The following ROBO2 variants were observed in gnomAD, a reference collection of about 807,000 sequenced individuals.
ROBO2 encodes roundabout guidance receptor 2.
ROBO2 carries 53 observed loss-of-function variants against 160.8 expected under a neutral mutation model. The observed-to-expected ratio is 0.33, with a 90% CI of 0.26 to 0.41. The LOEUF (loss-of-function observed/expected upper bound fraction) is 0.41. Among genes scored for constraint, ROBO2 ranks in the 10% least tolerant of loss-of-function variants. The probability of loss-of-function intolerance (pLI) is 1.00; values close to 1 mark genes in which losing one functional copy is unlikely to be tolerated. For synonymous variants in ROBO2, 664 were observed against 611.7 expected, an observed-to-expected ratio of 1.09 and a Z score of -1.26; for missense variants, 1,577 against 1,722.4, an observed-to-expected ratio of 0.92 and a Z score of 1.49.
chr3:76,963,638 T>C (rs2149247242), intron 2 of ROBO2, among the ~76,000 whole-genome samples: 1 of 152,170 alleles, frequency 6.6e-6, no homozygotes, highest in East Asian at 1.9e-4. Flanking sequence ...AGTGATTTTA[T>C]AATAAAAGCG....
intron 2 of ROBO2, among the ~76,000 whole-genome samples, chr3:76,267,325 A>G (rs1707160612): frequency 6.6e-6 from 1 of 152,204 alleles, no homozygotes; most frequent in South Asian, 2.1e-4. Context: ...TTCATTACAA[A>G]TTATAAATAG....
chr3:76,655,446 A>ATATATAT (rs1011843796), intron 2 of ROBO2, among the ~76,000 whole-genome samples: 7 of 132,178 alleles, frequency 5.3e-5, no homozygotes, highest in Admixed American at 2.4e-4. Flanking sequence ...TTCCATATAT[A>ATATATAT]TATATATATG....
Position 76,775,559 on chromosome 3 carries a change from A to T in ROBO2, c.110-322455A>T, listed in dbSNP as rs192552406. Among the ~76,000 whole-genome samples, 252 of 150,970 alleles carry T rather than the reference A, an allele frequency of 1.7e-3. 1 individual carries two copies. The highest frequency in any genetic ancestry group is 7.3e-3 in the South Asian group (35 of 4,826). The stretch of plus-strand genomic sequence containing the variant: ...AAACTTGCTGTACTTAGCAATGAAT[A>T]ACTTGATTTTATCACAGTTGCACAA... On this transcript the variant is annotated intron_variant, in intron 2 of 26. Coordinates refer to the ROBO2 transcript ENST00000487694.
At chr3:77,043,144 T>A (rs545606281) in intron 1 of ROBO2, among the ~76,000 whole-genome samples, 50 of 152,298 alleles carry the variant, frequency 3.3e-4, no homozygotes, top group Admixed American at 8.5e-4. Flanking sequence ...ACTTTGAGAC[T>A]CAGTGTTCAC....
At chr3:76,387,897 G>GT (rs1303623572) in intron 2 of ROBO2, among the ~76,000 whole-genome samples, 3 of 152,178 alleles carry the variant, frequency 2.0e-5, no homozygotes, top group Non-Finnish European at 4.4e-5. Flanking sequence ...GGTTTTACTA[G>GT]TAAGACAGAG....
At chr3:76,762,012 G>GT (rs11364896) in intron 2 of ROBO2, among the ~76,000 whole-genome samples, 1,718 of 148,884 alleles carry the variant, frequency 0.012, 24 homozygotes, top group African/African-American at 0.038. Context: ...GAGAAAAACA[G>GT]TTTTTTTTTT....
chr3:76,667,381 T>G (rs17014492), intron 2 of ROBO2, among the ~76,000 whole-genome samples: 68,447 of 151,950 alleles, frequency 0.45, 15,975 homozygotes, highest in African/African-American at 0.57. Flanking sequence ...AAGCAGCTAT[T>G]GAAAGCTAAA....
intron 2 of ROBO2, among the ~76,000 whole-genome samples, chr3:77,381,361 T>G (rs888590483): frequency 2.0e-5 from 3 of 151,904 alleles, no homozygotes; most frequent in African/African-American, 7.2e-5. Context: ...CACTTCCTGT[T>G]TCCATAGAAT....
intron 2 of ROBO2, among the ~76,000 whole-genome samples, chr3:76,974,992 ACT>A (rs1444562884): frequency 1.3e-5 from 2 of 152,080 alleles, no homozygotes; most frequent in African/African-American, 4.8e-5. Flanking sequence ...ATAATAATAC[ACT>A]CTATGATATA....
intron 2 of ROBO2, among the ~76,000 whole-genome samples, chr3:76,688,628 C>G (rs1212072172): frequency 9.4e-6 from 1 of 106,032 alleles, no homozygotes; most frequent in Admixed American, 9.5e-5. Flanking sequence ...TGTGTGTGTG[C>G]ATGCAAGAAA....
intron 2 of ROBO2, chr3:77,316,850 G>T (rs903561745): frequency 8.2e-7 from 1 of 1,224,652 alleles, no homozygotes; most frequent in East Asian, 2.3e-5. Flanking sequence ...ATACCTGGCT[G>T]CAGGGTCTGA....
At chr3:76,270,787 A>T (rs1161271993) in intron 2 of ROBO2, among the ~76,000 whole-genome samples, 1 of 152,140 alleles carries the variant, frequency 6.6e-6, no homozygotes, top group African/African-American at 2.4e-5. Flanking sequence ...AATGTGAAAT[A>T]GTTTAGAGAA....
At chr3:76,981,546 G>T (rs570531553) in intron 2 of ROBO2, among the ~76,000 whole-genome samples, 18 of 152,014 alleles carry the variant, frequency 1.2e-4, no homozygotes, top group Non-Finnish European at 2.4e-4. Flanking sequence ...ATATTTCTTT[G>T]TATATTTTAG....
rs139232442 is a variant in ROBO2 at position 77,269,724 on chromosome 3, T to C, written c.388+171384T>C. Among the ~76,000 whole-genome samples, 837 of 152,288 alleles carry C rather than the reference T, an allele frequency of 5.5e-3. 3 individuals carry two copies. Among genetic ancestry groups the C allele is most frequent in the Non-Finnish European group, 9.2e-3 (629 of 68,000 alleles). ...ACAAGGGAGGGACATCTATAATATA[T>C]GTATTTCTGAGATTGACAACAAGAA... On this transcript the variant is annotated intron_variant, in intron 2 of 25. Coordinates refer to ENST00000461745, the Ensembl canonical transcript of ROBO2.
chr3:76,189,500 A>G (rs1701911463), intron 2 of ROBO2, among the ~76,000 whole-genome samples: 1 of 152,088 alleles, frequency 6.6e-6, no homozygotes, highest in Admixed American at 6.6e-5. Flanking sequence ...GCTTTTTCAA[A>G]CATATGTTCC....
At chr3:76,972,740 T>A (rs1439307642) in intron 2 of ROBO2, among the ~76,000 whole-genome samples, 2 of 152,026 alleles carry the variant, frequency 1.3e-5, no homozygotes, top group African/African-American at 4.8e-5. Context: ...ACACCTGTAG[T>A]CCCAGTTACT....
At chr3:76,301,019 A>G (rs1354572407) in intron 2 of ROBO2, among the ~76,000 whole-genome samples, 1 of 152,098 alleles carries the variant, frequency 6.6e-6, no homozygotes, top group Non-Finnish European at 1.5e-5. Context: ...GATTTCTGTT[A>G]TGTTTAGTTC....
intron 2 of ROBO2, among the ~76,000 whole-genome samples, chr3:76,421,784 A>G (rs1429191053): frequency 2.0e-5 from 3 of 152,166 alleles, no homozygotes; most frequent in Admixed American, 6.5e-5. Flanking sequence ...ATAAAATAAT[A>G]ATGTGGGATT....
intron 2 of ROBO2, among the ~76,000 whole-genome samples, chr3:76,981,299 C>T (rs775011149): frequency 6.6e-6 from 1 of 152,166 alleles, no homozygotes; most frequent in Non-Finnish European, 1.5e-5. Flanking sequence ...TTTCACATAG[C>T]TATCAGCAAT....
Sources: gnomAD v4.1 joint callset for allele counts (sites outside exome capture counted in the v4.1 genomes callset) on GRCh38, gnomAD v4.1.1 for gene constraint, MANE v1.5 for transcripts, NCBI Gene and HGNC (gene_info 2026-07-23, HGNC 2026-07-21) for gene names.